The following CLVS1 variants were observed in gnomAD, a reference collection of about 807,000 sequenced individuals.
CLVS1 encodes the protein clavesin-1.
CLVS1 carries 10 observed loss-of-function variants against 33.1 expected under a neutral mutation model. The ratio of observed to expected loss-of-function variants is 0.30; its 90% CI spans 0.19 to 0.51. The LOEUF is 0.51. CLVS1 is among the 20% of genes least tolerant of loss of function. CLVS1 has a pLI of 0.97. For missense variants in CLVS1, 343 were observed against 433.4 expected, an observed-to-expected ratio of 0.79 and a Z score of 1.85; for synonymous variants, 163 against 166.1, an observed-to-expected ratio of 0.98 and a Z score of 0.14.
intron 1 of CLVS1, among the ~76,000 whole-genome samples, chr8:61,121,487 G>A (rs1388776048): frequency 1.3e-5 from 2 of 152,086 alleles, no homozygotes; most frequent in Non-Finnish European, 2.9e-5. Context: ...ATCTGTTTGC[G>A]TGTATTGGAA....
intron 2 of CLVS1, among the ~76,000 whole-genome samples, chr8:61,272,265 C>T (rs576966192): frequency 6.6e-6 from 1 of 152,046 alleles, no homozygotes; most frequent in African/African-American, 2.4e-5. Flanking sequence ...CTTAGTTTGG[C>T]TGCATATGAA....
upstream of CLVS1, among the ~76,000 whole-genome samples, chr8:61,054,696 T>A (rs938914546): frequency 6.6e-6 from 1 of 152,158 alleles, no homozygotes; most frequent in African/African-American, 2.4e-5. Flanking sequence ...AAGTACTTTG[T>A]ACTATTCTTT....
intron 5 of CLVS1, among the ~76,000 whole-genome samples, chr8:61,463,093 T>G (rs1817423867): frequency 6.6e-6 from 1 of 152,246 alleles, no homozygotes; most frequent in African/African-American, 2.4e-5. Context: ...CTTGCTGCTT[T>G]ACTTTGCACT....
intron 1 of CLVS1, among the ~76,000 whole-genome samples, chr8:61,074,952 C>G (rs1804881927): frequency 6.6e-6 from 1 of 152,124 alleles, no homozygotes. Context: ...TGGGGGGAAG[C>G]ACACTTTTGA....
At chr8:61,000,569 A>G in the CLVS1 span, among the ~76,000 whole-genome samples, 1 of 152,250 alleles carries the variant, frequency 6.6e-6, no homozygotes, top group Non-Finnish European at 1.5e-5. Context: ...TTTGGGCTTT[A>G]TAGATTTTCT....
chr8:60,984,314 C>CTT, the CLVS1 span, among the ~76,000 whole-genome samples: 3 of 143,524 alleles, frequency 2.1e-5, no homozygotes, highest in Non-Finnish European at 3.1e-5. Flanking sequence ...TTTTCCTCTT[C>CTT]TTTTTTTTTT....
intron 3 of CLVS1, among the ~76,000 whole-genome samples, chr8:61,384,233 T>C (rs1368392946): frequency 6.6e-6 from 1 of 152,216 alleles, no homozygotes; most frequent in Non-Finnish European, 1.5e-5. Context: ...AGGAGCTTGT[T>C]TGCCCCTGCA....
the CLVS1 span, among the ~76,000 whole-genome samples, chr8:61,014,052 C>T: frequency 1.3e-5 from 2 of 150,720 alleles, no homozygotes; most frequent in Non-Finnish European, 2.9e-5. Context: ...GAATTAGACT[C>T]ATCTGCAAGT....
chr8:61,236,605 C>A (rs1009977460), intron 2 of CLVS1, among the ~76,000 whole-genome samples: 7 of 152,120 alleles, frequency 4.6e-5, no homozygotes, highest in Non-Finnish European at 7.4e-5. Flanking sequence ...GGGTGGGCAG[C>A]CTTTTTCTTT....
At chr8:61,218,063 T>G (rs1445370359) in intron 2 of CLVS1, among the ~76,000 whole-genome samples, 1 of 152,034 alleles carries the variant, frequency 6.6e-6, no homozygotes, top group African/African-American at 2.4e-5. Flanking sequence ...GAATGTAAAC[T>G]AGAACAGCCA....
At chr8:60,993,016 C>T in the CLVS1 span, among the ~76,000 whole-genome samples, 1 of 152,200 alleles carries the variant, frequency 6.6e-6, no homozygotes, top group Non-Finnish European at 1.5e-5. Context: ...AGAAAGGGGG[C>T]TGGAGCACTA....
chr8:61,363,418 T>G (rs1813064097), intron 2 of CLVS1, among the ~76,000 whole-genome samples: 1 of 152,226 alleles, frequency 6.6e-6, no homozygotes, highest in Non-Finnish European at 1.5e-5. Context: ...GTAGCTACTG[T>G]TAAGTGGCAG....
intron 5 of CLVS1, chr8:61,464,431 A>C (rs1817475698): frequency 1.3e-5 from 2 of 152,358 alleles, no homozygotes; most frequent in South Asian, 4.1e-4. Context: ...TGTCTTTAAC[A>C]AGGCTCTCAT....
At chr8:61,391,892 G>C (rs1343928978) in intron 3 of CLVS1, among the ~76,000 whole-genome samples, 1 of 152,118 alleles carries the variant, frequency 6.6e-6, no homozygotes, top group African/African-American at 2.4e-5. Context: ...TAAAAGAAAT[G>C]ACATCTTGAT....
At chr8:61,307,028 T>C (rs1202229041) in intron 2 of CLVS1, among the ~76,000 whole-genome samples, 1 of 152,226 alleles carries the variant, frequency 6.6e-6, no homozygotes, top group African/African-American at 2.4e-5. Flanking sequence ...ATTATGTTTA[T>C]TATATTCTCA....
At chr8:61,048,949 CT>C in the CLVS1 span, among the ~76,000 whole-genome samples, 1 of 152,136 alleles carries the variant, frequency 6.6e-6, no homozygotes, top group East Asian at 1.9e-4. Context: ...AGTAGGCATT[CT>C]TTAAATCATC....
chr8:61,088,754 T>G (rs1401561683), intron 1 of CLVS1, among the ~76,000 whole-genome samples: 1 of 151,940 alleles, frequency 6.6e-6, no homozygotes, highest in Non-Finnish European at 1.5e-5. Flanking sequence ...TTTTTACACA[T>G]CCCAGGCATC....
chr8:61,484,562 A>G (rs1803798070), intron 5 of CLVS1, among the ~76,000 whole-genome samples: 1 of 152,214 alleles, frequency 6.6e-6, no homozygotes, highest in Non-Finnish European at 1.5e-5. Context: ...CAAGCTACCA[A>G]TGACTTTCTT....
chr8:61,397,501 T>C (rs1393330568), intron 3 of CLVS1, among the ~76,000 whole-genome samples: 1 of 152,218 alleles, frequency 6.6e-6, no homozygotes, highest in Non-Finnish European at 1.5e-5. Context: ...ACAGAATCTC[T>C]TAAGGCATAA....
Sources: gnomAD v4.1 joint callset for allele counts (sites outside exome capture counted in the v4.1 genomes callset) on GRCh38, gnomAD v4.1.1 for gene constraint, MANE v1.5 for transcripts, NCBI Gene and HGNC (gene_info 2026-07-23, HGNC 2026-07-21) for gene names.